The following KNL1 variants were observed in gnomAD, a reference collection of about 807,000 sequenced individuals.
The protein encoded by KNL1 is kinetochore scaffold 1, also known as outer kinetochore KNL1 complex subunit KNL1.
In KNL1, 66 loss-of-function variants were observed where a neutral mutation model predicts 201.3. That is an observed-to-expected ratio of 0.33 (90% CI 0.27 to 0.40). The LOEUF is 0.40. Ranked by LOEUF, KNL1 falls within the 10% of genes least tolerant of loss-of-function variation. KNL1 has a pLI of 1.00. For missense variants in KNL1, 2,815 were observed against 2,690.5 expected, an observed-to-expected ratio of 1.05 and a Z score of -1.02; for synonymous variants, 895 against 899.2, an observed-to-expected ratio of 1.00 and a Z score of 0.08.
rs200340219 is a variant in KNL1 at position 40,654,966 on chromosome 15, C to T, written c.6473C>T (p.Ser2158Phe). The T allele has an allele frequency of 1.2e-5, 20 of 1,611,924 alleles. No homozygotes were observed. Among genetic ancestry groups the T allele is most frequent in the African/African-American group, 5.3e-5 (4 of 74,852 alleles). The stretch of plus-strand genomic sequence containing the variant: ...AAGATTGTTGATGTCAATTTTCAAT[C>T]TCTGTTAGATGGTAAGTAGAAAACA... ...YRKIVDVNFQ[S>F]LLDEDQAPPS... Residue 2158 changes from serine (S) to phenylalanine (F), a missense_variant, in exon 22 of 26, where the codon TCT becomes TTT. Ser to Phe is a radical substitution (Grantham distance 155). Transcript: ENST00000399668.
Position 40,625,210 on chromosome 15 carries a change from C to G in KNL1, c.4946C>G (p.Ser1649Cys). The G allele has an allele frequency of 6.2e-7, 1 of 1,613,962 alleles. No individual in the cohort carries two copies. The highest frequency in any genetic ancestry group is 1.3e-5 in the African/African-American group (1 of 75,028). The stretch of plus-strand genomic sequence containing the variant: ...TTTAAAGATAAAGTAAGGAGATGTT[C>G]TTTGGGAATCTTTTTGCCTAGATTG... ...TVFKDKVRRC[S>C]LGIFLPRLPN... Residue 1649 changes from serine to cysteine, a missense_variant, in exon 10 of 26, where the codon TCT becomes TGT. By Grantham distance (112) the Ser-to-Cys change is moderately radical (BLOSUM62 -1). This residue lies in a region of KNL1 where 2,464 missense variants were observed against 2,291.7 expected (regional missense o/e 1.08). Coordinates refer to ENST00000399668, the MANE Select transcript of KNL1 (RefSeq NM_144508.5).
chr15:40,621,039 G>A lies in KNL1; in HGVS notation c.775G>A (p.Val259Ile), dbSNP rs1892506472. 6.2e-7 allele frequency: 1 copy of A among 1,608,390 alleles called. No homozygotes were observed. Among genetic ancestry groups the A allele is most frequent in the East Asian group, 2.2e-5 (1 of 44,830 alleles). ...TGCCTCTTCTACACATCAAATGCAT[G>A]TATCTCTTAAGGAAGATGAAAATAA... is the stretch of plus-strand genomic sequence containing the variant. ...NSASSTHQMH[V>I]SLKEDENNSN... Residue 259 changes from valine (V) to isoleucine (I), a missense_variant, in exon 10 of 26, where the codon GTA becomes ATA. Physicochemically the swap from Val to Ile is conservative, Grantham distance 29 (BLOSUM62 3). Transcript: ENST00000399668.
At chr15:40,602,274 C>A (rs1333245124) in intron 1 of KNL1, among the ~76,000 whole-genome samples, 1 of 148,570 alleles carries the variant, frequency 6.7e-6, no homozygotes, top group Non-Finnish European at 1.5e-5. Flanking sequence ...ACCCCGTGAT[C>A]TGCCCGCCTC....
rs755915407 is a variant in KNL1, at chr15:40,622,631, C to G, written c.2367C>G (p.His789Gln). The change falls in exon 10 of 26, where the codon CAC (histidine) becomes CAG (glutamine). Residue 789 changes from histidine to glutamine, a missense_variant. Physicochemically the swap from His to Gln is conservative, Grantham distance 24. Around this residue, in one of 3 missense-constraint regions of KNL1, gnomAD observed 2,464 missense variants for 2,291.7 expected, o/e 1.08. Coordinates refer to ENST00000399668, the MANE Select transcript of KNL1 (RefSeq NM_144508.5). ...AACTTGGTAAAACTAATTTAGAACA[C>G]ACTACTGGCCAGCTAACAACAATGA... ...LQELGKTNLE[H>Q]TTGQLTTMNR... 6.3e-7 allele frequency: 1 copy of G among 1,595,258 alleles called. No homozygotes were observed. Among genetic ancestry groups the G allele is most frequent in the South Asian group, 1.1e-5 (1 of 87,890 alleles).
In KNL1 at chr15:40,594,265, C is replaced by A. The variant is rs1891550866; in HGVS notation, c.-145C>A. The stretch of plus-strand genomic sequence containing the variant: ...TAGGCGGTTAGATTTGAATACTTCA[C>A]TGAGGCGAGCCGGGCGTTGTGAGCG... On this transcript the variant is annotated 5_prime_UTR_variant, in exon 1 of 26. It adds an upstream start codon to the 5' untranslated region. Coordinates refer to ENST00000399668, the MANE Select transcript of KNL1 (RefSeq NM_144508.5). 6.6e-6 allele frequency: 1 copy of A among 152,308 alleles called. No individual in the cohort carries two copies. The highest frequency in any genetic ancestry group is 2.4e-5 in the African/African-American group (1 of 41,468). The allele number at this position is 152,308 out of a possible 1,614,324, so 9.4% of individuals were successfully genotyped here.
chr15:40,606,346 A>C (rs1891970628), intron 3 of KNL1, 47 bp from the exon 4 acceptor site: 1 of 1,137,282 alleles, frequency 8.8e-7, no homozygotes. Context: ...ACTGATTCTT[A>C]ATAGATATGC....
In KNL1 at chr15:40,622,003, G is replaced by A; in HGVS notation, c.1739G>A (p.Ser580Asn). 1 of 1,614,066 alleles carries A rather than the reference G, an allele frequency of 6.2e-7. No homozygotes were observed. The highest frequency in any genetic ancestry group is 8.5e-7 in the Non-Finnish European group (1 of 1,179,964). Reference sequence around the variant, plus strand: ...ATGGATTTGACTGAAAGTCACACAAGTAACTTAGGAAGTCAGGTTCCTCTT... The same window carrying A: ...ATGGATTTGACTGAAAGTCACACAAATAACTTAGGAAGTCAGGTTCCTCTT... ...ENMDLTESHT[S>N]NLGSQVPLAA... The change falls in exon 10 of 26, where the codon AGT becomes AAT. Residue 580 changes from serine (S) to asparagine (N), a missense_variant. By Grantham distance (46) the Ser-to-Asn change is conservative. This residue lies in a region of KNL1 where 2,464 missense variants were observed against 2,291.7 expected (regional missense o/e 1.08). Transcript: ENST00000399668.
intron 19 of KNL1, 69 bp from the exon 20 acceptor site, chr15:40,651,402 C>A: frequency 9.8e-7 from 1 of 1,022,088 alleles, no homozygotes; most frequent in Non-Finnish European, 1.4e-6. Context: ...TATCATAAAC[C>A]TTTTATATTG....
chr15:40,616,868 C>T (rs1024415803), intron 8 of KNL1, among the ~76,000 whole-genome samples: 1 of 152,182 alleles, frequency 6.6e-6, no homozygotes, highest in African/African-American at 2.4e-5. Context: ...TATAGGTATC[C>T]CATGCTCTAG....
At chr15:40,618,383 C>G (rs2141716423) in intron 8 of KNL1, among the ~76,000 whole-genome samples, 1 of 152,124 alleles carries the variant, frequency 6.6e-6, no homozygotes, top group African/African-American at 2.4e-5. Context: ...GCACATGTGT[C>G]TTATCATGGG....
intron 17 of KNL1, among the ~76,000 whole-genome samples, chr15:40,647,554 T>C (rs1893431136): frequency 6.6e-6 from 1 of 152,078 alleles, no homozygotes; most frequent in Admixed American, 6.6e-5. Flanking sequence ...CATAATACAA[T>C]CAAGAGCTGC....
chr15:40,625,254 A>T lies in KNL1; in HGVS notation c.4990A>T (p.Ser1664Cys). ...TAGATTGCCCAACAAGAGAAATTGT[A>T]GTGTCACTGGTATTGATGACCTGGA... ...LPRLPNKRNCSVTGIDDLEQI... is the reference protein window; with the variant it reads ...LPRLPNKRNCCVTGIDDLEQI... The change falls in exon 10 of 26, where the codon AGT (serine) becomes TGT (cysteine). Residue 1664 changes from serine to cysteine, a missense_variant. Around this residue, in one of 3 missense-constraint regions of KNL1, gnomAD observed 2,464 missense variants for 2,291.7 expected, o/e 1.08. Transcript: ENST00000399668. 6.2e-7 allele frequency: 1 copy of T among 1,614,102 alleles called. No individual in the cohort carries two copies. The highest frequency in any genetic ancestry group is 8.5e-7 in the Non-Finnish European group (1 of 1,179,966).
At chr15:40,616,157 C>A (rs1436072696) in intron 8 of KNL1, among the ~76,000 whole-genome samples, 1 of 132,726 alleles carries the variant, frequency 7.5e-6, no homozygotes, top group African/African-American at 2.8e-5. Flanking sequence ...AATTTTCATT[C>A]TTGTTGTCCA....
chr15:40,623,833 G>A lies in KNL1; in HGVS notation c.3569G>A (p.Gly1190Glu), dbSNP rs1345921436. 1 of 1,613,176 alleles carries A rather than the reference G, an allele frequency of 6.2e-7. No individual in the cohort carries two copies. The highest frequency in any genetic ancestry group is 8.5e-7 in the Non-Finnish European group (1 of 1,179,800). ...EKILEENPKF[G>E]IGKGKNLGVS... Reference sequence around the variant, plus strand: ...ATACTTGAAGAAAACCCTAAATTTGGAATAGGAAAAGGAAAAAACTTGGGT... The same window carrying A: ...ATACTTGAAGAAAACCCTAAATTTGAAATAGGAAAAGGAAAAAACTTGGGT... Residue 1190 changes from glycine (G) to glutamate (E), a missense_variant, in exon 10 of 26, where the codon GGA becomes GAA. This residue lies in a region of KNL1 where 2,464 missense variants were observed against 2,291.7 expected (regional missense o/e 1.08). Coordinates refer to ENST00000399668, the MANE Select transcript of KNL1 (RefSeq NM_144508.5).
intron 14 of KNL1, among the ~76,000 whole-genome samples, chr15:40,641,903 C>T (rs1893241211): frequency 6.6e-6 from 1 of 152,202 alleles, no homozygotes; most frequent in Non-Finnish European, 1.5e-5. Context: ...GTAAATACTG[C>T]AGACTGATTT....
chr15:40,648,237 A>G (rs1211033359), intron 17 of KNL1, among the ~76,000 whole-genome samples: 1 of 152,172 alleles, frequency 6.6e-6, no homozygotes, highest in Non-Finnish European at 1.5e-5. Flanking sequence ...CTGTGAATAC[A>G]GCCTGGGCAA....
rs1893839561 is a variant in KNL1, at chr15:40,659,470, A to G, written c.6836+9A>G. The G allele has an allele frequency of 1.2e-6, 2 of 1,609,928 alleles. No homozygotes were observed. The highest frequency in any genetic ancestry group is 8.5e-7 in the Non-Finnish European group (1 of 1,177,952). On this transcript the variant is annotated intron_variant, in intron 25 of 25. Coordinates refer to ENST00000399668, the MANE Select transcript of KNL1 (RefSeq NM_144508.5). The stretch of plus-strand genomic sequence containing the variant: ...CACGTTGGGAACACTAGGTGAGTAA[A>G]GGGCCAACAGGGTAAGACTCTGGGC...
In KNL1 at chr15:40,624,852, A is replaced by G. The variant is rs990439762; in HGVS notation, c.4588A>G (p.Lys1530Glu). The change falls in exon 10 of 26, where the codon AAG (lysine) becomes GAG (glutamate). Residue 1530 changes from lysine (K) to glutamate (E), a missense_variant. This residue lies in a region of KNL1 where 2,464 missense variants were observed against 2,291.7 expected (regional missense o/e 1.08). Transcript: ENST00000399668. ...TTTCCACAGTAACTCAGACGTAACT[A>G]AGCAAGTCATTCAAACTCATGTCAA... ...LDFHSNSDVT[K>E]QVIQTHVNAG... 1 of 1,612,754 alleles carries G rather than the reference A, an allele frequency of 6.2e-7. No homozygotes were observed. Among genetic ancestry groups the G allele is most frequent in the African/African-American group, 1.3e-5 (1 of 74,908 alleles).
intron 8 of KNL1, 125 bp from the exon 9 acceptor site, chr15:40,618,834 G>A: frequency 1.7e-6 from 1 of 582,894 alleles, no homozygotes; most frequent in Non-Finnish European, 3.1e-6. Flanking sequence ...TAATACGTAA[G>A]TTCTTAAGGG....
Sources: gnomAD v4.1 joint callset for allele counts (sites outside exome capture counted in the v4.1 genomes callset) on GRCh38, gnomAD v4.1.1 for gene constraint, gnomAD v4.1.1 regional missense constraint, MANE v1.5 for transcripts, NCBI Gene and HGNC (gene_info 2026-07-23, HGNC 2026-07-21) for gene names.